AP4E1: variants seen among roughly 807,000 people sequenced by gnomAD.
The protein encoded by AP4E1 is adaptor related protein complex 4 subunit epsilon 1, also known as AP-4 complex subunit epsilon-1.
In AP4E1, 56 loss-of-function variants were observed where a neutral mutation model predicts 128.2. The observed-to-expected ratio is 0.44, with a 90% confidence interval of 0.35 to 0.55. The LOEUF is 0.55. Ranked by LOEUF, AP4E1 falls within the 20% of genes least tolerant of loss-of-function variation. The probability of loss-of-function intolerance (pLI) is 0.00; values close to 1 mark genes in which losing one functional copy is unlikely to be tolerated. For synonymous variants in AP4E1, 484 were observed against 473.1 expected (o/e 1.02, Z -0.30); for missense variants, 1,324 against 1,307.7 (o/e 1.01, Z -0.19).
intron 14 of AP4E1, among the ~76,000 whole-genome samples, chr15:50,965,303 C>T (rs2064377159): frequency 6.6e-6 from 1 of 152,070 alleles, no homozygotes; most frequent in Non-Finnish European, 1.5e-5. Flanking sequence ...CCTTGTGCAC[C>T]ACTGGTAGCA....
At chr15:50,925,993 T>G (rs2141148998) in intron 5 of AP4E1, among the ~76,000 whole-genome samples, 1 of 152,202 alleles carries the variant, frequency 6.6e-6, no homozygotes, top group African/African-American at 2.4e-5. Flanking sequence ...GTTTCCAAGC[T>G]TAATTTACTT....
intron 15 of AP4E1, among the ~76,000 whole-genome samples, chr15:50,972,581 G>A (rs1188992014): frequency 6.6e-6 from 1 of 152,210 alleles, no homozygotes; most frequent in African/African-American, 2.4e-5. Context: ...GGCTGAGTTT[G>A]TGGTGATGGT....
chr15:50,995,358 C>T lies in AP4E1; in HGVS notation c.2346+1733C>T, dbSNP rs73408549. Among the ~76,000 whole-genome samples, 983 of 150,540 alleles carry T rather than the reference C, an allele frequency of 6.5e-3. 5 individuals carry two copies. The highest frequency in any genetic ancestry group is 0.022 in the African/African-American group (917 of 41,088). ...ATTTTTTATATCACTTTAGAAAGGC[C>T]AAGGTTTATTATTTTTTTCACCCTT... On this transcript the variant is annotated intron_variant, in intron 17 of 20. Coordinates refer to ENST00000261842, the MANE Select transcript of AP4E1 (RefSeq NM_007347.5).
chr15:50,990,301 G>T (rs532185796), intron 16 of AP4E1, among the ~76,000 whole-genome samples: 1 of 149,540 alleles, frequency 6.7e-6, no homozygotes, highest in South Asian at 2.1e-4. Context: ...ATGGCCTTAT[G>T]TTGCTTTCTT....
chr15:50,913,648 A>G (rs2063591838), intron 2 of AP4E1, among the ~76,000 whole-genome samples: 1 of 152,268 alleles, frequency 6.6e-6, no homozygotes, highest in African/African-American at 2.4e-5. Context: ...GATAAAGTTC[A>G]TAATGACTTT....
rs28464432 is a variant in AP4E1, at chr15:50,921,410, G to A, written c.347-2521G>A. Among the ~76,000 whole-genome samples, 762 of 151,748 alleles carry A rather than the reference G, an allele frequency of 5.0e-3. 12 individuals carry two copies. The highest frequency in any genetic ancestry group is 0.018 in the African/African-American group (737 of 41,364). ...GTCACCCAGGCTGGAGTGCAGTGGC[G>A]TGATCTTGGTTCACTGAAACCTTTG... is the stretch of plus-strand genomic sequence containing the variant. On this transcript the variant is annotated intron_variant, in intron 3 of 20. Coordinates refer to ENST00000261842, the MANE Select transcript of AP4E1 (RefSeq NM_007347.5).
At chr15:50,982,011 G>A (rs2140912031) in intron 15 of AP4E1, among the ~76,000 whole-genome samples, 1 of 150,748 alleles carries the variant, frequency 6.6e-6, no homozygotes, top group East Asian at 2.0e-4. Context: ...CTTGAACACG[G>A]GAGGCGGAGG....
intron 16 of AP4E1, among the ~76,000 whole-genome samples, chr15:50,987,846 G>C (rs558325709): frequency 6.6e-6 from 1 of 152,138 alleles, no homozygotes; most frequent in East Asian, 1.9e-4. Flanking sequence ...TCTATTTATT[G>C]CTCTTAAGGT....
chr15:50,955,119 T>C (rs1219771144), intron 13 of AP4E1, among the ~76,000 whole-genome samples: 1 of 152,222 alleles, frequency 6.6e-6, no homozygotes, highest in African/African-American at 2.4e-5. Context: ...TGGTTCCAAG[T>C]CTTTGCTATT....
chr15:50,915,781 C>G, intron 3 of AP4E1: 1 of 586,444 alleles, frequency 1.7e-6, no homozygotes, highest in Non-Finnish European at 2.9e-6. Flanking sequence ...AAAGAGAAGA[C>G]TAAAGATTTC....
chr15:51,000,429 C>T (rs2064947111), intron 19 of AP4E1, among the ~76,000 whole-genome samples: 1 of 152,152 alleles, frequency 6.6e-6, no homozygotes, highest in South Asian at 2.1e-4. Flanking sequence ...ACGAGGGCTA[C>T]CATGCCCAGC....
At chr15:50,931,621 G>A (rs1030392441) in intron 7 of AP4E1, among the ~76,000 whole-genome samples, 2 of 152,046 alleles carry the variant, frequency 1.3e-5, no homozygotes, top group Admixed American at 1.3e-4. Flanking sequence ...TGGGCCATAT[G>A]TTGTTTTTTG....
In AP4E1 at chr15:50,943,702, A is replaced by T. The variant is rs371512736; in HGVS notation, c.1176+1927A>T. 6.6e-5 allele frequency among the ~76,000 whole-genome samples: 10 copies of T among 152,160 alleles called. No individual in the cohort carries two copies. The East Asian group carries it at 1.5e-3, about 23-fold the overall frequency. On this transcript the variant is annotated intron_variant, in intron 10 of 20. Transcript: ENST00000261842. ...TATGGAAGTATGTTCTAATACACCC[A>T]TTGGATGCCTGAAACCATAGATAGT... is the stretch of plus-strand genomic sequence containing the variant.
intron 16 of AP4E1, among the ~76,000 whole-genome samples, chr15:50,987,891 T>C (rs2064750451): frequency 6.6e-6 from 1 of 152,208 alleles, no homozygotes. Flanking sequence ...TAAGAGCTTA[T>C]CTACCTTCCA....
intron 1 of AP4E1, 114 bp downstream of exon 1, chr15:50,909,042 C>T (rs1194142669): frequency 2.7e-6 from 4 of 1,490,962 alleles, no homozygotes; most frequent in Non-Finnish European, 9.0e-7. Flanking sequence ...TCCGGCGGGG[C>T]TCAGGGGCTG....
upstream of AP4E1, chr15:50,908,508 A>T (rs1302345662): frequency 2.4e-5 from 9 of 367,546 alleles, no homozygotes; most frequent in African/African-American, 1.7e-4. Context: ...GTTCTGGGGG[A>T]TTCCGGAACC....
chr15:50,922,552 G>T (rs1050138556), intron 3 of AP4E1, among the ~76,000 whole-genome samples: 9 of 152,136 alleles, frequency 5.9e-5, no homozygotes, highest in Admixed American at 2.0e-4. Context: ...ATGGATGCTG[G>T]GTAATGATGG....
At chr15:50,944,357 G>T (rs2140850004) in intron 10 of AP4E1, among the ~76,000 whole-genome samples, 1 of 152,218 alleles carries the variant, frequency 6.6e-6, no homozygotes, top group African/African-American at 2.4e-5. Flanking sequence ...GAATAGAAAA[G>T]ACCTCTGGCA....
intron 13 of AP4E1, among the ~76,000 whole-genome samples, chr15:50,954,854 C>A (rs533366191): frequency 2.4e-4 from 36 of 152,126 alleles, no homozygotes; most frequent in Non-Finnish European, 4.7e-4. Flanking sequence ...GTCCCCCTAC[C>A]CCACAACAGG....
Sources: gnomAD v4.1 joint callset for allele counts (sites outside exome capture counted in the v4.1 genomes callset) on GRCh38, gnomAD v4.1.1 for gene constraint, MANE v1.5 for transcripts, NCBI Gene and HGNC (gene_info 2026-07-23, HGNC 2026-07-21) for gene names.